KIF6: variants seen among roughly 807,000 people sequenced by gnomAD.
KIF6 encodes kinesin family member 6.
In KIF6, 106 loss-of-function variants were observed where a neutral mutation model predicts 112.7. The observed-to-expected ratio is 0.94, with a 90% confidence interval of 0.80 to 1.11. The LOEUF (loss-of-function observed/expected upper bound fraction) is 1.11, where lower values mean the gene tolerates loss of function less well. Among genes scored for constraint, KIF6 ranks in the 50% least tolerant of loss-of-function variants. KIF6 has a pLI of 0.00. For missense variants in KIF6, 929 were observed against 964.0 expected, an observed-to-expected ratio of 0.96 and a Z score of 0.48; for synonymous variants, 339 against 339.9, an observed-to-expected ratio of 1.00 and a Z score of 0.03.
intron 13 of KIF6, among the ~76,000 whole-genome samples, chr6:39,473,517 G>A (rs1175382457): frequency 1.3e-5 from 2 of 152,124 alleles, no homozygotes; most frequent in Admixed American, 6.6e-5. Context: ...AATGTCATTA[G>A]AAAGAGACTA....
At chr6:39,610,474 T>C (rs1783155254) in intron 6 of KIF6, among the ~76,000 whole-genome samples, 1 of 152,242 alleles carries the variant, frequency 6.6e-6, no homozygotes, top group Non-Finnish European at 1.5e-5. Context: ...TGGATTCCTC[T>C]GTGTAAATGG....
At chr6:39,683,514 T>C (rs1330129830) in intron 3 of KIF6, among the ~76,000 whole-genome samples, 1 of 152,152 alleles carries the variant, frequency 6.6e-6, no homozygotes, top group East Asian at 1.9e-4. Flanking sequence ...AGTGGAGATG[T>C]CAAGAATGTG....
At chr6:39,645,313 C>T (rs1049570988) in intron 3 of KIF6, among the ~76,000 whole-genome samples, 2 of 152,128 alleles carry the variant, frequency 1.3e-5, no homozygotes. Context: ...AGACACAACA[C>T]ATTTACATGC....
intron 16 of KIF6, among the ~76,000 whole-genome samples, chr6:39,381,279 G>T (rs1766912355): frequency 6.6e-6 from 1 of 152,064 alleles, no homozygotes; most frequent in African/African-American, 2.4e-5. Flanking sequence ...GAAACCATAG[G>T]AACATGTAGG....
At chr6:39,660,594 C>A (rs1418112943) in intron 3 of KIF6, among the ~76,000 whole-genome samples, 1 of 152,092 alleles carries the variant, frequency 6.6e-6, no homozygotes, top group Non-Finnish European at 1.5e-5. Context: ...TCTGGGTCAT[C>A]CAAAACAGTC....
chr6:39,485,937 T>G lies in KIF6; in HGVS notation c.1645+54066A>C, dbSNP rs573315378. Among the ~76,000 whole-genome samples, 8 of 152,298 alleles carry G rather than the reference T, an allele frequency of 5.3e-5. 1 individual carries two copies. In the South Asian group the frequency reaches 1.7e-3, roughly 32 times the overall value. On this transcript the variant is annotated intron_variant, in intron 13 of 22. Transcript: ENST00000287152. ...GTATATATTATCCCCATTTCATAGATGAGAAAACTGAGGCACAGAGAAACT... is the reference window on the plus strand; with the variant it reads ...GTATATATTATCCCCATTTCATAGAGGAGAAAACTGAGGCACAGAGAAACT...
chr6:39,442,405 C>T (rs1229749951), intron 13 of KIF6, among the ~76,000 whole-genome samples: 1 of 152,210 alleles, frequency 6.6e-6, no homozygotes, highest in Non-Finnish European at 1.5e-5. Context: ...CCTAACCTAG[C>T]ATCTCTGGGG....
chr6:39,700,579 T>C (rs1788821565), intron 3 of KIF6, among the ~76,000 whole-genome samples: 1 of 152,206 alleles, frequency 6.6e-6, no homozygotes, highest in South Asian at 2.1e-4. Flanking sequence ...TCATGGTAAG[T>C]TCATAATTCA....
At chr6:39,545,717 C>T in intron 10 of KIF6, 29 bp from the exon 11 acceptor site, 2 of 1,410,064 alleles carry the variant, frequency 1.4e-6, no homozygotes, top group Non-Finnish European at 2.0e-6. Context: ...TGAGAAGCAA[C>T]TGTGAGCTAG....
At chr6:39,495,064 C>T (rs531060576) in intron 13 of KIF6, among the ~76,000 whole-genome samples, 22 of 152,254 alleles carry the variant, frequency 1.4e-4, no homozygotes, top group African/African-American at 4.8e-4. Context: ...TGGTCACTCC[C>T]GAGCTAACTA....
intron 19 of KIF6, among the ~76,000 whole-genome samples, chr6:39,347,443 T>G (rs1421041287): frequency 1.3e-5 from 2 of 152,210 alleles, no homozygotes; most frequent in African/African-American, 4.8e-5. Flanking sequence ...CCAAGTGCAG[T>G]GGAACCCAGA....
chr6:39,355,455 A>AAGAGTGAAG (rs10657249), intron 19 of KIF6, among the ~76,000 whole-genome samples: 57 of 142,160 alleles, frequency 4.0e-4, no homozygotes, highest in Non-Finnish European at 7.3e-4. Flanking sequence ...TAATTTTAAG[A>AAGAGTGAAG]AGTCTTTTTT....
chr6:39,622,222 G>A (rs1164205184), intron 5 of KIF6, among the ~76,000 whole-genome samples: 3 of 150,200 alleles, frequency 2.0e-5, no homozygotes, highest in East Asian at 1.9e-4. Flanking sequence ...TTTTTTAACC[G>A]TTATATTGTT....
At chr6:39,450,071 A>AG (rs1269137302) in intron 13 of KIF6, among the ~76,000 whole-genome samples, 1 of 152,190 alleles carries the variant, frequency 6.6e-6, no homozygotes, top group East Asian at 1.9e-4. Context: ...TTCTCTCCAA[A>AG]GGGGGCCAAA....
intron 15 of KIF6, among the ~76,000 whole-genome samples, chr6:39,393,893 C>G (rs550365418): frequency 6.6e-6 from 1 of 151,872 alleles, no homozygotes. Flanking sequence ...TTTCACAATT[C>G]GACAGAAGCC....
rs1770711684 is a variant in KIF6, at chr6:39,425,678, T to C, written c.1754+5375A>G. On this transcript the variant is annotated intron_variant, in intron 14 of 22. Transcript: ENST00000287152. ...AAAAAGTGTTTTTTGAGTACCTTTT[T>C]TTTTTTTTCCTGTGGCCAGCACTGC... Among the ~76,000 whole-genome samples the C allele has an allele frequency of 5.9e-5, 9 of 151,722 alleles. No homozygotes were observed. In the South Asian group the frequency reaches 1.9e-3, roughly 32 times the overall value.
In KIF6 at chr6:39,336,369, C is replaced by G. The variant is rs949033693; in HGVS notation, c.*163G>C. On this transcript the variant is annotated 3_prime_UTR_variant, in exon 23 of 23. Transcript: ENST00000287152. ...CCCAGCCTCTCGGTGGCCTCCAGGT[C>G]AGCATCCTTAAAGAAACACAGTCCC... The G allele has an allele frequency of 1.0e-5, 7 of 692,050 alleles. No individual in the cohort carries two copies. In the African/African-American group the frequency reaches 1.2e-4, roughly 12 times the overall value. The allele number at this position is 692,050 out of a possible 1,614,324, so 42.9% of individuals were successfully genotyped here. A position where few individuals can be genotyped will look rare whatever the true frequency, so the allele number is the denominator to read the frequency against.
At chr6:39,636,464 A>G (rs1400992987) in intron 4 of KIF6, among the ~76,000 whole-genome samples, 1 of 151,968 alleles carries the variant, frequency 6.6e-6, no homozygotes, top group African/African-American at 2.4e-5. Context: ...CAAATGGCCT[A>G]TTGATTACAT....
chr6:39,601,537 G>C (rs1044759026), intron 6 of KIF6, among the ~76,000 whole-genome samples: 3 of 151,558 alleles, frequency 2.0e-5, no homozygotes, highest in African/African-American at 7.2e-5. Context: ...TCTGGCACTT[G>C]AATTGAATAT....
Sources: allele counts gnomAD v4.1 joint callset (sites outside exome capture counted in the v4.1 genomes callset), GRCh38; gene constraint gnomAD v4.1.1; transcripts MANE v1.5; gene names NCBI Gene and HGNC (gene_info 2026-07-23, HGNC 2026-07-21).